SUPT3H: variants seen among roughly 807,000 people sequenced by gnomAD.
The protein encoded by SUPT3H is SPT3 homolog, SAGA and STAGA complex component.
A neutral mutation model predicts 44.3 loss-of-function variants in SUPT3H; 44 were observed. That is an observed-to-expected ratio of 0.99 (90% CI 0.78 to 1.28). SUPT3H has a LOEUF of 1.28. Among genes scored for constraint, SUPT3H ranks in the 50% most tolerant of loss-of-function variants. The probability of loss-of-function intolerance (pLI) is 0.00; values close to 1 mark genes in which losing one functional copy is unlikely to be tolerated. For synonymous variants in SUPT3H, 124 were observed against 125.6 expected (o/e 0.99, Z 0.09); for missense variants, 380 against 387.1 (o/e 0.98, Z 0.15).
chr6:45,026,334 A>T (rs1785994761), intron 3 of SUPT3H, among the ~76,000 whole-genome samples: 3 of 152,158 alleles, frequency 2.0e-5, no homozygotes. Context: ...TCACTAAGTG[A>T]TTGCACAACC....
In SUPT3H at chr6:45,042,187, C is replaced by T. The variant is rs1054421655; in HGVS notation, c.187-21555G>A. On this transcript the variant is annotated intron_variant, in intron 3 of 10. Transcript: ENST00000371459. ...CCTATAATCCCAGCACTTTGGGAGG[C>T]CGAGGCAGGCTGATCATCTGAGGTC... 2.0e-5 allele frequency among the ~76,000 whole-genome samples: 3 copies of T among 152,120 alleles called. 1 individual carries two copies. The highest frequency in any genetic ancestry group is 4.4e-5 in the Non-Finnish European group (3 of 68,016).
intron 6 of SUPT3H, among the ~76,000 whole-genome samples, chr6:44,963,774 T>G (rs1044481235): frequency 1.3e-5 from 2 of 151,534 alleles, no homozygotes; most frequent in Non-Finnish European, 2.9e-5. Context: ...CTGAGGCGGG[T>G]GGATCATGAG....
At chr6:44,878,769 G>A (rs1400839373) in intron 10 of SUPT3H, among the ~76,000 whole-genome samples, 2 of 152,094 alleles carry the variant, frequency 1.3e-5, no homozygotes, top group Non-Finnish European at 2.9e-5. Context: ...TGCAGCCCAC[G>A]GAGGGCAAGC....
intron 9 of SUPT3H, among the ~76,000 whole-genome samples, chr6:44,948,384 A>G (rs947729971): frequency 1.3e-5 from 2 of 152,218 alleles, no homozygotes; most frequent in Non-Finnish European, 2.9e-5. Context: ...GCCAAAATTG[A>G]CAAATGGGAT....
rs187835893 is a variant in SUPT3H, at chr6:45,069,156, T to C, written c.186+36766A>G. 5.9e-5 allele frequency among the ~76,000 whole-genome samples: 9 copies of C among 152,284 alleles called. No homozygotes were observed. In the East Asian group the frequency reaches 1.7e-3, roughly 29 times the overall value. On this transcript the variant is annotated intron_variant, in intron 3 of 10. Coordinates refer to ENST00000371459, the MANE Select transcript of SUPT3H (RefSeq NM_003599.4). ...GTGAAGGATAAAGAGGGATTATCTG[T>C]GGCCTTGTAACCAAGAAAATTATAA...
intron 3 of SUPT3H, among the ~76,000 whole-genome samples, chr6:45,022,484 G>A (rs1485563638): frequency 6.7e-6 from 1 of 149,466 alleles, no homozygotes; most frequent in Non-Finnish European, 1.5e-5. Flanking sequence ...TTTATATCAT[G>A]GTTATCCTGT....
At chr6:45,168,300 G>A (rs1330431391) in intron 2 of SUPT3H, among the ~76,000 whole-genome samples, 1 of 152,182 alleles carries the variant, frequency 6.6e-6, no homozygotes. Context: ...GCTTGGGATC[G>A]GAAGTGTTTA....
chr6:45,012,559 TTCC>T (rs1283409628), intron 5 of SUPT3H, among the ~76,000 whole-genome samples: 1 of 152,128 alleles, frequency 6.6e-6, no homozygotes, highest in Non-Finnish European at 1.5e-5. Flanking sequence ...TTATCATATC[TTCC>T]TTTTTTAAAA....
At chr6:44,822,826 A>AT (rs564603250), downstream of SUPT3H, among the ~76,000 whole-genome samples, 46 of 151,182 alleles carry the variant, frequency 3.0e-4, 1 homozygote, top group South Asian at 2.1e-3. Flanking sequence ...GTTTAAATGC[A>AT]TTTTTTTTTG....
At chr6:45,317,516 G>A (rs928396899) in intron 2 of SUPT3H, among the ~76,000 whole-genome samples, 2 of 152,102 alleles carry the variant, frequency 1.3e-5, no homozygotes, top group Admixed American at 6.6e-5. Flanking sequence ...GAACAGAACA[G>A]TGAATCCAGA....
chr6:45,031,704 A>G (rs1765893929), intron 3 of SUPT3H, among the ~76,000 whole-genome samples: 1 of 152,176 alleles, frequency 6.6e-6, no homozygotes, highest in African/African-American at 2.4e-5. Flanking sequence ...TTTTGGTTCC[A>G]TAATTAAGCA....
intron 10 of SUPT3H, among the ~76,000 whole-genome samples, chr6:44,932,278 G>A (rs1159401456): frequency 1.3e-5 from 2 of 152,130 alleles, no homozygotes; most frequent in Non-Finnish European, 2.9e-5. Context: ...TTTAGGAGAA[G>A]GATATCTGAT....
chr6:45,307,040 T>A (rs1404004146), intron 2 of SUPT3H, among the ~76,000 whole-genome samples: 7 of 152,124 alleles, frequency 4.6e-5, no homozygotes, highest in Admixed American at 6.5e-5. Flanking sequence ...CTGTCTGAGA[T>A]CAAACTGCAA....
intron 2 of SUPT3H, among the ~76,000 whole-genome samples, chr6:45,227,720 G>A (rs1767199685): frequency 6.6e-6 from 1 of 152,086 alleles, no homozygotes; most frequent in African/African-American, 2.4e-5. Flanking sequence ...TGAACAATAA[G>A]ATTCAAAGGT....
intron 3 of SUPT3H, among the ~76,000 whole-genome samples, chr6:45,102,861 C>T (rs993395500): frequency 2.0e-5 from 3 of 151,824 alleles, no homozygotes; most frequent in Non-Finnish European, 4.4e-5. Context: ...ATCGCTTGAA[C>T]CCAGGAGTTG....
At chr6:45,251,805 T>C (rs1382939768) in intron 2 of SUPT3H, among the ~76,000 whole-genome samples, 1 of 152,178 alleles carries the variant, frequency 6.6e-6, no homozygotes, top group African/African-American at 2.4e-5. Context: ...GAATTACTCC[T>C]TGCCTGATGA....
intron 2 of SUPT3H, chr6:45,197,884 CGT>C (rs907134743): frequency 1.2e-5 from 2 of 167,138 alleles, no homozygotes; most frequent in African/African-American, 4.8e-5. Context: ...TTACATACAA[CGT>C]AAGAAACTTA....
intron 2 of SUPT3H, among the ~76,000 whole-genome samples, chr6:45,178,053 A>T (rs1418235391): frequency 6.6e-6 from 1 of 152,160 alleles, no homozygotes; most frequent in Admixed American, 6.5e-5. Flanking sequence ...TGACAGGATC[A>T]AATTCACACA....
In SUPT3H at chr6:45,105,007, A is replaced by C. The variant is rs532572626; in HGVS notation, c.186+915T>G. On this transcript the variant is annotated intron_variant, in intron 3 of 10. Transcript: ENST00000371459. ...AACTACAAGGAAGTTTAGCCCTAAT[A>C]ATCATTAAAATATACTATAAAACCT... 1.2e-4 allele frequency among the ~76,000 whole-genome samples: 18 copies of C among 152,106 alleles called. No homozygotes were observed. In the South Asian group the frequency reaches 3.5e-3, roughly 30 times the overall value.
Sources: allele counts gnomAD v4.1 joint callset (sites outside exome capture counted in the v4.1 genomes callset), GRCh38; gene constraint gnomAD v4.1.1; transcripts MANE v1.5; gene names NCBI Gene and HGNC (gene_info 2026-07-23, HGNC 2026-07-21).